RASA1: variants seen among roughly 807,000 people sequenced by gnomAD.
RASA1 encodes the protein RAS p21 protein activator 1, also known as ras GTPase-activating protein 1.
RASA1 carries 25 observed loss-of-function variants against 132.2 expected under a neutral mutation model. The ratio of observed to expected loss-of-function variants is 0.19; its 90% CI spans 0.14 to 0.26. RASA1 has a LOEUF of 0.26. RASA1 is among the 10% of genes least tolerant of loss of function. The probability of loss-of-function intolerance (pLI) is 1.00; values close to 1 mark genes in which losing one functional copy is unlikely to be tolerated. For missense variants in RASA1, 964 were observed against 1,299.2 expected (o/e 0.74, Z 3.97); for synonymous variants, 477 against 449.9 (o/e 1.06, Z -0.76).
At position 87,382,242 on chromosome 5, in the gene RASA1, T is replaced by C. The variant is rs561060207; in HGVS notation, c.2691-1471T>C. 1.1e-3 allele frequency among the ~76,000 whole-genome samples: 175 copies of C among 152,300 alleles called. 1 individual carries two copies. Among genetic ancestry groups the C allele is most frequent in the African/African-American group, 4.1e-3 (172 of 41,580 alleles). ...GTTGGATTACAGGCATGAGCCACCA[T>C]GCCCAGCCAATATATTAGAATTTCT... On this transcript the variant is annotated intron_variant, in intron 20 of 24. Coordinates refer to ENST00000274376, the MANE Select transcript of RASA1 (RefSeq NM_002890.3).
At chr5:87,347,201 ATT>A (rs1198832363) in intron 7 of RASA1, among the ~76,000 whole-genome samples, 2 of 151,872 alleles carry the variant, frequency 1.3e-5, no homozygotes, top group African/African-American at 2.4e-5. Flanking sequence ...ACGATATTGT[ATT>A]GTTTTTATTC....
In RASA1 at chr5:87,383,702, C is replaced by A; in HGVS notation, c.2691-11C>A. 1 of 1,600,702 alleles carries A rather than the reference C, an allele frequency of 6.2e-7. No individual in the cohort carries two copies. Among genetic ancestry groups the A allele is most frequent in the Non-Finnish European group, 8.5e-7 (1 of 1,173,830 alleles). ...CTAAAAAAAAAAAAAAAAAATTTCCCTCCCATTCAGTGGTTTTGTTTTTCT... is the reference window on the plus strand; with the variant it reads ...CTAAAAAAAAAAAAAAAAAATTTCCATCCCATTCAGTGGTTTTGTTTTTCT... On this transcript the variant is annotated splice_polypyrimidine_tract_variant and intron_variant, in intron 20 of 24. Coordinates refer to ENST00000274376, the MANE Select transcript of RASA1 (RefSeq NM_002890.3).
chr5:87,332,094 CATG>C (rs1379720466), intron 2 of RASA1, among the ~76,000 whole-genome samples: 1 of 151,976 alleles, frequency 6.6e-6, no homozygotes, highest in East Asian at 1.9e-4. Context: ...TCAGTAGTAC[CATG>C]ATACCACATG....
intron 7 of RASA1, 99 bp downstream of exon 7, chr5:87,346,823 T>C (rs1361569501): frequency 1.2e-6 from 1 of 833,290 alleles, no homozygotes; most frequent in Admixed American, 2.1e-5. Flanking sequence ...ATTCAGTTAG[T>C]GTTTATGCAT....
In RASA1 at chr5:87,383,802, T is replaced by C. The variant is rs756890657; in HGVS notation, c.2758+22T>C. 1.0e-5 allele frequency: 16 copies of C among 1,586,720 alleles called. No individual in the cohort carries two copies. In the South Asian group the frequency reaches 1.8e-4, roughly 18 times the overall value. On this transcript the variant is annotated intron_variant, in intron 21 of 24. Transcript: ENST00000274376. ...TCAGGTAATCAGCTTTTGATACATT[T>C]TGAAATTCAAAATATTAGAATTAAC...
intron 1 of RASA1, among the ~76,000 whole-genome samples, chr5:87,322,377 G>A (rs1195043667): frequency 6.6e-6 from 1 of 152,208 alleles, no homozygotes; most frequent in Admixed American, 6.5e-5. Context: ...TAGGTTGTGT[G>A]CTCCTTATGA....
chr5:87,312,205 A>G (rs1313477607), intron 1 of RASA1, among the ~76,000 whole-genome samples: 2 of 152,254 alleles, frequency 1.3e-5, no homozygotes, highest in Non-Finnish European at 2.9e-5. Flanking sequence ...CATTTCATTT[A>G]ACTTATATGT....
intron 1 of RASA1, among the ~76,000 whole-genome samples, chr5:87,290,812 G>T (rs561600375): frequency 6.6e-6 from 1 of 152,108 alleles, no homozygotes; most frequent in East Asian, 1.9e-4. Context: ...TCTTTCCATG[G>T]TTTGATAGCT....
chr5:87,338,510 TATATATATATATATATATATATAA>T (rs1462578416), intron 5 of RASA1, among the ~76,000 whole-genome samples: 1 of 91,710 alleles, frequency 1.1e-5, no homozygotes, highest in Non-Finnish European at 2.3e-5. Flanking sequence ...TTTATATATA[TATATATATATATATATATATATAA>T]AATTTTTTTT....
intron 1 of RASA1, among the ~76,000 whole-genome samples, chr5:87,319,447 G>A (rs373440265): frequency 5.3e-5 from 8 of 152,194 alleles, no homozygotes; most frequent in Non-Finnish European, 1.2e-4. Context: ...CAAGGTGGAG[G>A]CTCCCAAACC....
rs148056185 is a variant in RASA1 at position 87,375,065 on chromosome 5, T to C, written c.2011+149T>C. On this transcript the variant is annotated intron_variant, in intron 15 of 24. Coordinates refer to ENST00000274376, the MANE Select transcript of RASA1 (RefSeq NM_002890.3). ...GTTTCTTTCTGTACTTCTTAAAGTA[T>C]TGATTATCAAGAAAGAATATACCTA... The C allele has an allele frequency of 8.9e-4, 1,004 of 1,127,888 alleles. 5 individuals carry two copies. The African/African-American group carries it at 0.013, about 14-fold the overall frequency. The allele number at this position is 1,127,888 out of a possible 1,614,324, so 69.9% of individuals were successfully genotyped here. A position where few individuals can be genotyped will look rare whatever the true frequency, so the allele number is the denominator to read the frequency against.
At chr5:87,364,937 A>G (rs1760393576) in intron 11 of RASA1, among the ~76,000 whole-genome samples, 1 of 152,188 alleles carries the variant, frequency 6.6e-6, no homozygotes, top group Non-Finnish European at 1.5e-5. Flanking sequence ...GATCTCACCC[A>G]AATAGTGAGG....
intron 11 of RASA1, among the ~76,000 whole-genome samples, chr5:87,366,949 C>CT (rs1271239731): frequency 6.6e-6 from 1 of 152,178 alleles, no homozygotes; most frequent in African/African-American, 2.4e-5. Context: ...TGAGGATTGT[C>CT]TGAGCCCAGG....
intron 13 of RASA1, among the ~76,000 whole-genome samples, chr5:87,373,382 T>G (rs1441734877): frequency 6.6e-6 from 1 of 152,118 alleles, no homozygotes; most frequent in Non-Finnish European, 1.5e-5. Flanking sequence ...AGATACTATG[T>G]CATTTTCTAT....
chr5:87,328,965 ATAATT>A (rs76894605), intron 1 of RASA1, among the ~76,000 whole-genome samples: 54,155 of 151,584 alleles, frequency 0.36, 9,936 homozygotes, highest in East Asian at 0.47. Flanking sequence ...TGATGGCTGG[ATAATT>A]TAATTGCAGT....
At chr5:87,277,434 G>A (rs2112239032) in intron 1 of RASA1, among the ~76,000 whole-genome samples, 1 of 152,226 alleles carries the variant, frequency 6.6e-6, no homozygotes, top group South Asian at 2.1e-4. Flanking sequence ...AATCCTATAG[G>A]ACGGGTACCT....
chr5:87,311,703 A>G (rs1755925659), intron 1 of RASA1, among the ~76,000 whole-genome samples: 1 of 152,118 alleles, frequency 6.6e-6, no homozygotes, highest in Non-Finnish European at 1.5e-5. Flanking sequence ...GTGTCCAGGG[A>G]TCTTTTGGGT....
chr5:87,271,858 A>G (rs1753855675), intron 1 of RASA1, among the ~76,000 whole-genome samples: 1 of 152,012 alleles, frequency 6.6e-6, no homozygotes, highest in Non-Finnish European at 1.5e-5. Context: ...AATTTTTAGT[A>G]ATAAACACGA....
At chr5:87,349,168 T>A in intron 7 of RASA1, 46 bp from the exon 8 acceptor site, 4 of 1,600,868 alleles carry the variant, frequency 2.5e-6, no homozygotes, top group Non-Finnish European at 3.4e-6. Context: ...CATCTTTTCT[T>A]TTTTATTTGA....
Sources: allele counts gnomAD v4.1 joint callset (sites outside exome capture counted in the v4.1 genomes callset), GRCh38; gene constraint gnomAD v4.1.1; transcripts MANE v1.5; gene names NCBI Gene and HGNC (gene_info 2026-07-23, HGNC 2026-07-21).